SLC71A1: variants seen among roughly 807,000 people sequenced by gnomAD.
The protein encoded by SLC71A1 is solute carrier family 71 member 1, also known as hippocampus abundant gene transcript 1.
chr1:100,053,896 TATGGTTGGTCATAGTAG>T, the SLC71A1 span, among the ~76,000 whole-genome samples: 1 of 152,308 alleles, frequency 6.6e-6, no homozygotes, highest in Admixed American at 6.5e-5. Context: ...GTTATGAATA[TATGGTTGGTCATAGTAG>T]ATAGTTCAGT....
At chr1:100,075,284 CATT>C in the SLC71A1 span, among the ~76,000 whole-genome samples, 2 of 152,336 alleles carry the variant, frequency 1.3e-5, no homozygotes, top group South Asian at 2.1e-4. Flanking sequence ...GGGATTTCAT[CATT>C]AAGTGAAATC....
At chr1:100,066,949 A>T in the SLC71A1 span, among the ~76,000 whole-genome samples, 2 of 136,050 alleles carry the variant, frequency 1.5e-5, no homozygotes, top group Non-Finnish European at 1.5e-5. Context: ...AGATCGCGCC[A>T]CTGCACTCCA....
chr1:100,068,499 C>T, the SLC71A1 span: 1 of 1,613,222 alleles, frequency 6.2e-7, no homozygotes, highest in Non-Finnish European at 8.5e-7. Context: ...GCCAAGATTC[C>T]ATAGTGCTGC....
chr1:100,080,724 T>C, the SLC71A1 span: 17 of 1,422,232 alleles, frequency 1.2e-5, no homozygotes, highest in South Asian at 2.4e-4. Context: ...CTACTGGTTT[T>C]TGGTCATGAA....
the SLC71A1 span, among the ~76,000 whole-genome samples, chr1:100,052,212 T>C: frequency 6.6e-6 from 1 of 152,220 alleles, no homozygotes; most frequent in Non-Finnish European, 1.5e-5. Flanking sequence ...GTTTCCATAA[T>C]TTGTTATCAG....
the SLC71A1 span, among the ~76,000 whole-genome samples, chr1:100,066,364 GC>G: frequency 6.6e-6 from 1 of 152,166 alleles, no homozygotes; most frequent in Non-Finnish European, 1.5e-5. Flanking sequence ...TTTCCTTAGA[GC>G]AGTGGATTTT....
the SLC71A1 span, chr1:100,058,066 G>T: frequency 6.6e-6 from 1 of 152,290 alleles, no homozygotes; most frequent in East Asian, 1.9e-4. Context: ...CATTCCAGCG[G>T]TTCTCTTGCT....
the SLC71A1 span, among the ~76,000 whole-genome samples, chr1:100,074,547 C>G: frequency 1.5e-3 from 233 of 151,516 alleles, 1 homozygote; most frequent in South Asian, 0.019. Flanking sequence ...CCACAGCACT[C>G]CAGCCTGGGC....
chr1:100,051,082 T>C, the SLC71A1 span, among the ~76,000 whole-genome samples: 1 of 139,506 alleles, frequency 7.2e-6, no homozygotes, highest in Non-Finnish European at 1.5e-5. Context: ...TGAAACCTTG[T>C]CTCAAAAAAA....
At chr1:100,045,962 G>T in the SLC71A1 span, among the ~76,000 whole-genome samples, 1 of 152,032 alleles carries the variant, frequency 6.6e-6, no homozygotes, top group Non-Finnish European at 1.5e-5. Context: ...AGAGGTAGGG[G>T]TATAATTTTA....
the SLC71A1 span, among the ~76,000 whole-genome samples, chr1:100,065,779 CCT>C: frequency 6.6e-6 from 1 of 151,036 alleles, no homozygotes. Context: ...CTCCTCCTCT[CCT>C]TTCCTTTCCT....
At chr1:100,053,876 C>CT in the SLC71A1 span, among the ~76,000 whole-genome samples, 1 of 152,072 alleles carries the variant, frequency 6.6e-6, no homozygotes, top group South Asian at 2.1e-4. Context: ...AGGTCTAACA[C>CT]TTTTGAGAGG....
the SLC71A1 span, chr1:100,080,369 C>G: frequency 1.4e-6 from 1 of 710,588 alleles, no homozygotes; most frequent in South Asian, 1.9e-5. Context: ...AATGACATTG[C>G]TATAAATTGC....
chr1:100,046,041 T>C, the SLC71A1 span, among the ~76,000 whole-genome samples: 1 of 152,134 alleles, frequency 6.6e-6, no homozygotes, highest in African/African-American at 2.4e-5. Context: ...CAATGTATAC[T>C]TCGGTGCCGT....
chr1:100,077,284 A>G, the SLC71A1 span: 63 of 1,337,370 alleles, frequency 4.7e-5, no homozygotes, highest in Middle Eastern at 5.5e-4. Context: ...CTTGGTAAGT[A>G]TAAATATTTT....
chr1:100,054,599 G>A, the SLC71A1 span, among the ~76,000 whole-genome samples: 9 of 151,924 alleles, frequency 5.9e-5, no homozygotes, highest in African/African-American at 9.7e-5. Flanking sequence ...TCCATGTTAC[G>A]GAACACTCAA....
chr1:100,077,482 G>C, the SLC71A1 span, among the ~76,000 whole-genome samples: 1 of 152,082 alleles, frequency 6.6e-6, no homozygotes, highest in Non-Finnish European at 1.5e-5. Flanking sequence ...ACCTTTTATA[G>C]CTAAATGACA....
At chr1:100,049,964 A>G in the SLC71A1 span, 2 of 1,610,164 alleles carry the variant, frequency 1.2e-6, no homozygotes, top group Non-Finnish European at 1.7e-6. Context: ...ATCTTTTTGG[A>G]GTTTTTTGCT....
At chr1:100,050,722 T>C in the SLC71A1 span, among the ~76,000 whole-genome samples, 20 of 152,216 alleles carry the variant, frequency 1.3e-4, no homozygotes, top group African/African-American at 4.8e-4. Flanking sequence ...TAGATTGAAC[T>C]AGCCTAAGAA....
Sources: gnomAD v4.1 joint callset for allele counts (sites outside exome capture counted in the v4.1 genomes callset) on GRCh38, gnomAD v4.1.1 for gene constraint, MANE v1.5 for transcripts, NCBI Gene and HGNC (gene_info 2026-07-23, HGNC 2026-07-21) for gene names.